The following COMMD10 variants were observed in gnomAD, a reference collection of about 807,000 sequenced individuals.
The protein encoded by COMMD10 is COMM domain-containing protein 10.
COMMD10 carries 33 observed loss-of-function variants against 28.9 expected under a neutral mutation model. The ratio of observed to expected loss-of-function variants is 1.14; its 90% CI spans 0.87 to 1.53. The LOEUF (loss-of-function observed/expected upper bound fraction) is 1.53, where lower values mean the gene tolerates loss of function less well. Ranked by LOEUF, COMMD10 falls within the 40% of genes most tolerant of loss-of-function variation. The probability of loss-of-function intolerance (pLI) is 0.00; values close to 1 mark genes in which losing one functional copy is unlikely to be tolerated. For missense variants in COMMD10, 310 were observed against 233.4 expected, an observed-to-expected ratio of 1.33 and a Z score of -2.14; for synonymous variants, 110 against 81.7, an observed-to-expected ratio of 1.35 and a Z score of -1.87.
chr5:116,200,313 A>T (rs11738383), intron 5 of COMMD10, among the ~76,000 whole-genome samples: 4 of 151,894 alleles, frequency 2.6e-5, no homozygotes, highest in African/African-American at 7.3e-5. Context: ...CTCCTCTGTA[A>T]GTAAGGTGTT....
At position 116,183,288 on chromosome 5, in the gene COMMD10, A is replaced by G. The variant is rs561011050; in HGVS notation, c.510+49110A>G. On this transcript the variant is annotated intron_variant, in intron 5 of 6. Coordinates refer to ENST00000274458, the MANE Select transcript of COMMD10 (RefSeq NM_016144.4). The stretch of plus-strand genomic sequence containing the variant: ...AAGGATGATGCCAGAACTGAAAGAA[A>G]AATGTTTCTAGAAGACCTAAAACCT... Among the ~76,000 whole-genome samples the G allele has an allele frequency of 1.1e-4, 17 of 152,228 alleles. No homozygotes were observed. The South Asian group carries it at 3.5e-3, about 32-fold the overall frequency.
chr5:116,132,871 G>T (rs1751903492), intron 4 of COMMD10, among the ~76,000 whole-genome samples: 1 of 152,092 alleles, frequency 6.6e-6, no homozygotes, highest in African/African-American at 2.4e-5. Context: ...AGATATTATA[G>T]ATTATATCTC....
At chr5:116,161,712 G>C (rs189453976) in intron 5 of COMMD10, among the ~76,000 whole-genome samples, 11 of 152,246 alleles carry the variant, frequency 7.2e-5, no homozygotes, top group African/African-American at 2.4e-4. Flanking sequence ...TCTTCATAAA[G>C]ATCTTCATCC....
At chr5:116,255,499 G>A (rs577796288) in intron 5 of COMMD10, among the ~76,000 whole-genome samples, 2 of 151,662 alleles carry the variant, frequency 1.3e-5, no homozygotes, top group African/African-American at 4.9e-5. Context: ...GCCTGGTGGT[G>A]ACAAAATCTC....
chr5:116,103,216 A>C (rs1250612826), intron 4 of COMMD10, among the ~76,000 whole-genome samples: 5 of 152,146 alleles, frequency 3.3e-5, no homozygotes, highest in African/African-American at 9.7e-5. Context: ...AATGGTATTT[A>C]TAGTTCTAGA....
chr5:116,096,780 CAA>C (rs1561598046), intron 4 of COMMD10, among the ~76,000 whole-genome samples: 1 of 152,038 alleles, frequency 6.6e-6, no homozygotes, highest in East Asian at 1.9e-4. Context: ...TTACTACTCT[CAA>C]GTGTCTTCTA....
At chr5:116,272,701 T>A (rs1388561843) in intron 5 of COMMD10, among the ~76,000 whole-genome samples, 4 of 151,836 alleles carry the variant, frequency 2.6e-5, no homozygotes, top group Non-Finnish European at 5.9e-5. Flanking sequence ...TCATTTAAAT[T>A]TTCATTGAAA....
chr5:116,223,296 A>G (rs901467295), intron 5 of COMMD10, among the ~76,000 whole-genome samples: 1 of 152,126 alleles, frequency 6.6e-6, no homozygotes, highest in Non-Finnish European at 1.5e-5. Context: ...ATTGAGAAGT[A>G]TAAGATAAGT....
intron 5 of COMMD10, among the ~76,000 whole-genome samples, chr5:116,155,785 C>G (rs974585507): frequency 2.0e-5 from 3 of 151,974 alleles, no homozygotes; most frequent in African/African-American, 7.2e-5. Flanking sequence ...CTCTTGTAGG[C>G]TTTACTTACA....
intron 2 of COMMD10, among the ~76,000 whole-genome samples, chr5:116,088,238 T>A (rs1196974199): frequency 1.3e-5 from 2 of 152,260 alleles, no homozygotes; most frequent in Non-Finnish European, 2.9e-5. Context: ...ACTCTTACTC[T>A]GTCATCTTGT....
rs369525603 is a variant in COMMD10, at chr5:116,111,287, G to A, written c.399+18587G>A. 7.2e-5 allele frequency among the ~76,000 whole-genome samples: 11 copies of A among 151,882 alleles called. No homozygotes were observed. The East Asian group carries it at 1.4e-3, about 19-fold the overall frequency. On this transcript the variant is annotated intron_variant, in intron 4 of 6. Coordinates refer to ENST00000274458, the MANE Select transcript of COMMD10 (RefSeq NM_016144.4). ...TTTATTTAGTTTTGCTCTGATCCAT[G>A]TTACTTCTTTACTTCTGCTAATTTT... is the stretch of plus-strand genomic sequence containing the variant.
At chr5:116,265,434 A>G (rs552409885) in intron 5 of COMMD10, among the ~76,000 whole-genome samples, 1 of 151,878 alleles carries the variant, frequency 6.6e-6, no homozygotes, top group South Asian at 2.1e-4. Flanking sequence ...CCAAAAAGTA[A>G]TTTATTGGGA....
chr5:116,154,385 A>G lies in COMMD10; in HGVS notation c.510+20207A>G, dbSNP rs147903142. On this transcript the variant is annotated intron_variant, in intron 5 of 6. Transcript: ENST00000274458. Reference sequence around the variant, plus strand: ...TTAGTGATGTCAAAAGTTATAGCATAAAAGTTACTTGCATAAAAGTGTAAA... The same window carrying G: ...TTAGTGATGTCAAAAGTTATAGCATGAAAGTTACTTGCATAAAAGTGTAAA... Among the ~76,000 whole-genome samples, 49 of 152,276 alleles carry G rather than the reference A, an allele frequency of 3.2e-4. No individual in the cohort carries two copies. In the East Asian group the frequency reaches 8.9e-3, roughly 28 times the overall value.
intron 5 of COMMD10, among the ~76,000 whole-genome samples, chr5:116,270,223 C>T (rs254149): frequency 6.6e-6 from 1 of 151,414 alleles, no homozygotes; most frequent in Non-Finnish European, 1.5e-5. Context: ...TTAGGCTTTT[C>T]GAAAGCAAAA....
chr5:116,236,387 C>T (rs1749661795), intron 5 of COMMD10, among the ~76,000 whole-genome samples: 3 of 151,508 alleles, frequency 2.0e-5, no homozygotes, highest in Admixed American at 2.0e-4. Flanking sequence ...ACCTGTAATC[C>T]CAGCTACTAG....
chr5:116,169,290 A>C lies in COMMD10; in HGVS notation c.510+35112A>C, dbSNP rs191699184. Among the ~76,000 whole-genome samples the C allele has an allele frequency of 5.9e-5, 9 of 152,316 alleles. No individual in the cohort carries two copies. In the East Asian group the frequency reaches 1.3e-3, roughly 23 times the overall value. On this transcript the variant is annotated intron_variant, in intron 5 of 6. Coordinates refer to ENST00000274458, the MANE Select transcript of COMMD10 (RefSeq NM_016144.4). ...CTGTACACATACACCTCCCAAGACT[A>C]AACCAGGAATAAGATGAATCTCTGA...
chr5:116,252,440 A>C (rs253964), intron 5 of COMMD10, among the ~76,000 whole-genome samples: 2 of 114,042 alleles, frequency 1.8e-5, no homozygotes, highest in East Asian at 4.7e-4. Flanking sequence ...TAGGTCTAAC[A>C]TTTAAGTCCT....
At chr5:116,280,480 T>C (rs1371305246) in intron 5 of COMMD10, among the ~76,000 whole-genome samples, 1 of 151,802 alleles carries the variant, frequency 6.6e-6, no homozygotes, top group African/African-American at 2.4e-5. Flanking sequence ...TTCCCAAATT[T>C]GGGAGCTTAG....
chr5:116,198,849 C>T (rs1409947454), intron 5 of COMMD10, among the ~76,000 whole-genome samples: 2 of 152,066 alleles, frequency 1.3e-5, no homozygotes, highest in African/African-American at 4.8e-5. Context: ...TTTATTTATT[C>T]ATTTACCTAC....
Sources: gnomAD v4.1 joint callset for allele counts (sites outside exome capture counted in the v4.1 genomes callset) on GRCh38, gnomAD v4.1.1 for gene constraint, MANE v1.5 for transcripts, NCBI Gene and HGNC (gene_info 2026-07-23, HGNC 2026-07-21) for gene names.